EPPK1: variants seen among roughly 807,000 people sequenced by gnomAD.
The protein encoded by EPPK1 is epiplakin.
For synonymous variants in EPPK1, 1,862 were observed against 1,721.2 expected (o/e 1.08, Z -2.03); for missense variants, 3,823 against 3,673.3 (o/e 1.04, Z -1.05).
rs1554661264 is a variant in EPPK1 at position 143,871,692 on chromosome 8, G to A, written c.1562C>T (p.Ser521Leu). 1 of 1,605,874 alleles carries A rather than the reference G, an allele frequency of 6.2e-7. No homozygotes were observed. ...WELLFSEAIS[S>L]EQRAMLAQQY... is the part of the protein sequence containing the mutation. ...CTGGGCCAGCATCGCCCTCTGCTCT[G>A]AGGAGATGGCCTCAGAGAAGAGCAG... Residue 521 changes from serine to leucine, a missense_variant, in exon 2 of 2, where the codon TCA (serine) becomes TTA (leucine). By Grantham distance (145) the Ser-to-Leu change is moderately radical. Coordinates refer to ENST00000615648, the MANE Select transcript of EPPK1 (RefSeq NM_031308.4).
Position 143,866,031 on chromosome 8 carries a change from G to C in EPPK1, c.7223C>G (p.Pro2408Arg). Reference protein sequence around the residue: ...VQLLRRCVPDPDTGLYMLQLA... With the variant: ...VQLLRRCVPDRDTGLYMLQLA... ...CTGCAGCATGTAGAGCCCGGTGTCC[G>C]GGTCGGGCACGCAGCGGCGCAGCAG... Residue 2408 changes from proline to arginine, a missense_variant, in exon 2 of 2, where the codon CCG becomes CGG. Physicochemically the swap from Pro to Arg is moderately radical, Grantham distance 103. Coordinates refer to ENST00000615648, the MANE Select transcript of EPPK1 (RefSeq NM_031308.4). 1 of 168,746 alleles carries C rather than the reference G, an allele frequency of 5.9e-6. No individual in the cohort carries two copies. Among genetic ancestry groups the C allele is most frequent in the Non-Finnish European group, 9.8e-6 (1 of 102,404 alleles). 10.5% of individuals were successfully genotyped at this position (168,746 alleles called of 1,614,324 possible). A position where few individuals can be genotyped will look rare whatever the true frequency, so the allele number is the denominator to read the frequency against.
Position 143,866,445 on chromosome 8 carries a change from C to G in EPPK1, c.6809G>C (p.Gly2270Ala). 7.2e-7 allele frequency: 1 copy of G among 1,392,086 alleles called. No homozygotes were observed. The highest frequency in any genetic ancestry group is 9.6e-7 in the Non-Finnish European group (1 of 1,044,104). 86.2% of individuals were successfully genotyped at this position (1,392,086 alleles called of 1,614,324 possible). ...LVLLEAQAAT[G>A]FVIDPVRNLR... ...GTTGCGCACGGGGTCGATGACGAAG[C>G]CGGTGGCCGCCTGCGCCTCCAGCAG... The change falls in exon 2 of 2, where the codon GGC becomes GCC. Residue 2270 changes from glycine (G) to alanine (A), a missense_variant. By Grantham distance (60) the Gly-to-Ala change is moderately conservative. Coordinates refer to ENST00000615648, the MANE Select transcript of EPPK1 (RefSeq NM_031308.4).
Position 143,868,721 on chromosome 8 carries a change from A to T in EPPK1, c.4533T>A (p.Ala1511=). 6.3e-7 allele frequency: 1 copy of T among 1,579,224 alleles called. No homozygotes were observed. Among genetic ancestry groups the T allele is most frequent in the Non-Finnish European group, 8.6e-7 (1 of 1,166,436 alleles). Residue 1511 remains alanine (A), a synonymous_variant, in exon 2 of 2, where the codon GCT becomes GCA. Coordinates refer to ENST00000615648, the MANE Select transcript of EPPK1 (RefSeq NM_031308.4). ...VVSAVTTLVE[A]AERQPLQATF... ...TGGCCTGCAGGGGCTGCCTCTCTGC[A>T]GCCTCGACCAGGGTGGTGACTGCGC...
At position 143,866,945 on chromosome 8, in the gene EPPK1, C is replaced by T. The variant is rs1554659252; in HGVS notation, c.6309G>A (p.Leu2103=). 6.2e-7 allele frequency: 1 copy of T among 1,612,908 alleles called. No homozygotes were observed. The highest frequency in any genetic ancestry group is 8.5e-7 in the Non-Finnish European group (1 of 1,179,866). Residue 2103 remains leucine, a synonymous_variant, in exon 2 of 2, where the codon CTG becomes CTA. Coordinates refer to ENST00000615648, the MANE Select transcript of EPPK1 (RefSeq NM_031308.4). The part of the protein sequence containing the change: ...EHIDDETRRA[L]EAEQVEITVG... ...CTGTGATTTCCACTTGCTCTGCCTC[C>T]AGGGCCCTTCTCGTCTCGTCATCGA...
chr8:143,867,766 T>C lies in EPPK1; in HGVS notation c.5488A>G (p.Ile1830Val), dbSNP rs1554659617. Residue 1830 changes from isoleucine (I) to valine (V), a missense_variant, in exon 2 of 2, where the codon ATC (isoleucine) becomes GTC (valine). Ile to Val is a conservative substitution (Grantham distance 29). Coordinates refer to ENST00000615648, the MANE Select transcript of EPPK1 (RefSeq NM_031308.4). ...GTTTCTTCAATTGTCGTGGTGATGA[T>C]TTCCAGCAATTTCTCCAGGCCCCCA... ...QSGGLEKLLE[I>V]ITTTIEETET... 1.9e-6 allele frequency: 3 copies of C among 1,613,734 alleles called. No individual in the cohort carries two copies. Among genetic ancestry groups the C allele is most frequent in the Non-Finnish European group, 2.5e-6 (3 of 1,179,866 alleles).
In EPPK1 at chr8:143,869,951, C is replaced by T; in HGVS notation, c.3303G>A (p.Glu1101=). The T allele has an allele frequency of 6.2e-7, 1 of 1,608,014 alleles. No individual in the cohort carries two copies. Among genetic ancestry groups the T allele is most frequent in the East Asian group, 2.2e-5 (1 of 44,818 alleles). ...GGCCAGAAGTCTCATCCCTGGGGCA[C>T]TCCTCCAGGAGCTGGGCATAGCTCG... ...GRTSYAQLLE[E]CPRDETSGLH... Residue 1101 remains glutamate (E), a synonymous_variant, in exon 2 of 2, where the codon GAG becomes GAA. Transcript: ENST00000615648.
Position 143,873,172 on chromosome 8 carries a change from C to A in EPPK1, c.82G>T (p.Ala28Ser). The A allele has an allele frequency of 6.3e-7, 1 of 1,595,266 alleles. No homozygotes were observed. Residue 28 changes from alanine to serine, a missense_variant, in exon 2 of 2, where the codon GCC (alanine) becomes TCC (serine). Transcript: ENST00000615648. The stretch of plus-strand genomic sequence containing the variant: ...GGGGGCGTGCCGGCTCCCAGCGTGG[C>A]TGCCATGGCTCTGGGTACACTGGCC... The part of the protein sequence containing the change: ...EQASVPRAMA[A>S]TLGAGTPPRP...
chr8:143,873,381 TGCTGTCCCGG>T, intron 1 of EPPK1, 83 bp from the exon 2 acceptor site: 1 of 1,039,586 alleles, frequency 9.6e-7, no homozygotes, highest in Non-Finnish European at 1.3e-6. Context: ...GGCAATCCCA[TGCTGTCCCGG>T]GCTGGGCTCC....
At chr8:143,876,385 C>A (rs1554662295) in intron 1 of EPPK1, among the ~76,000 whole-genome samples, 5 of 152,198 alleles carry the variant, frequency 3.3e-5, no homozygotes, top group African/African-American at 1.2e-4. Flanking sequence ...GTCCACCCTG[C>A]AAAACTTGTT....
rs533151287 is a variant in EPPK1 at position 143,871,981 on chromosome 8, C to T, written c.1273G>A (p.Asp425Asn). 5.0e-5 allele frequency: 80 copies of T among 1,594,220 alleles called. 3 individuals carry two copies. The South Asian group carries it at 8.5e-4, about 17-fold the overall frequency. The change falls in exon 2 of 2, where the codon GAT becomes AAT. Residue 425 changes from aspartate to asparagine, a missense_variant. Asp to Asn is a conservative substitution (Grantham distance 23). Transcript: ENST00000615648. ...GAGAGCTGCCGCTGAGTGTCTTCATCCAGGCAGCCGCAGCGCAGGGCGGCC... is the reference window on the plus strand; with the variant it reads ...GAGAGCTGCCGCTGAGTGTCTTCATTCAGGCAGCCGCAGCGCAGGGCGGCC... ...LEAALRCGCL[D>N]EDTQRQLSQA...
rs372013200 is a variant in EPPK1 at position 143,877,057 on chromosome 8, C to T, written c.-46+1381G>A. 1.1e-3 allele frequency among the ~76,000 whole-genome samples: 166 copies of T among 152,390 alleles called. 1 individual carries two copies. The highest frequency in any genetic ancestry group is 3.5e-3 in the African/African-American group (145 of 41,598). ...CCAGGGAGGAAGGCTGGAGACAGGG[C>T]GCTTGGGAGCAGGGAGTCGGGGGCA... is the stretch of plus-strand genomic sequence containing the variant. On this transcript the variant is annotated intron_variant, in intron 1 of 1. Transcript: ENST00000615648.
intron 1 of EPPK1, 25 bp downstream of exon 1, chr8:143,878,413 G>GCACCCGCCCGCACCCGCCGCACCCGC (rs1819529638): frequency 2.2e-5 from 2 of 92,146 alleles, no homozygotes; most frequent in Non-Finnish European, 4.5e-5. Flanking sequence ...CGCCGCACCC[G>GCACCCGCCCGCACCCGCCGCACCCGC]CCGCACCCGC....
rs540808569 is a variant in EPPK1 at position 143,871,925 on chromosome 8, G to A, written c.1329C>T (p.His443=). The part of the protein sequence containing the change: ...SQAGSFSDGT[H]GGLRYEQLLA... ...GCAGCTGTTCATAGCGCAGGCCGCC[G>A]TGCGTGCCGTCTGAGAAGCTGCCAG... The change falls in exon 2 of 2, where the codon CAC becomes CAT. Residue 443 remains histidine, a synonymous_variant. Transcript: ENST00000615648. 94 of 1,604,106 alleles carry A rather than the reference G, an allele frequency of 5.9e-5. No individual in the cohort carries two copies. The highest frequency in any genetic ancestry group is 5.5e-4 in the Admixed American group (33 of 59,830).
chr8:143,871,121 G>A lies in EPPK1; in HGVS notation c.2133C>T (p.Ile711=), dbSNP rs563965707. 116 of 1,613,226 alleles carry A rather than the reference G, an allele frequency of 7.2e-5. No individual in the cohort carries two copies. The East Asian group carries it at 2.1e-3, about 29-fold the overall frequency. The change falls in exon 2 of 2, where the codon ATC becomes ATT. Residue 711 remains isoleucine, a synonymous_variant. Transcript: ENST00000615648. ...GCAGGCGGATGCCGTGCTCCCGGAC[G>A]ATGAGGCCCTTCTGCATGGCCTGGA... is the stretch of plus-strand genomic sequence containing the variant. ...SLFQAMQKGL[I]VREHGIRLLE...
At chr8:143,874,669 C>T (rs1563890238) in intron 1 of EPPK1, among the ~76,000 whole-genome samples, 1 of 152,178 alleles carries the variant, frequency 6.6e-6, no homozygotes, top group African/African-American at 2.4e-5. Flanking sequence ...TCTTTAGGCC[C>T]CTGGTCAGTG....
Position 143,867,864 on chromosome 8 carries a change from C to G in EPPK1, c.5390G>C (p.Trp1797Ser). ...GRFADQVVSF[W>S]DLLSSPYFTE... is the part of the protein sequence containing the mutation. ...GAAGTATGGAGAGGACAGCAGGTCC[C>G]AGAAAGAGACCACCTGGTCAGCAAA... The change falls in exon 2 of 2, where the codon TGG (tryptophan) becomes TCG (serine). Residue 1797 changes from tryptophan to serine, a missense_variant. Transcript: ENST00000615648. The G allele has an allele frequency of 6.2e-7, 1 of 1,613,182 alleles. No homozygotes were observed.
chr8:143,878,618 C>T (rs1189180646), upstream of EPPK1, among the ~76,000 whole-genome samples: 6 of 151,524 alleles, frequency 4.0e-5, no homozygotes, highest in African/African-American at 1.2e-4. Flanking sequence ...GCACCCCGGG[C>T]AAGGGGCGGC....
chr8:143,870,669 C>T lies in EPPK1; in HGVS notation c.2585G>A (p.Gly862Glu). 1.2e-6 allele frequency: 2 copies of T among 1,607,982 alleles called. No homozygotes were observed. The highest frequency in any genetic ancestry group is 1.7e-6 in the Non-Finnish European group (2 of 1,177,930). The change falls in exon 2 of 2, where the codon GGG becomes GAG. Residue 862 changes from glycine to glutamate, a missense_variant. Physicochemically the swap from Gly to Glu is moderately conservative, Grantham distance 98 (BLOSUM62 -2). Transcript: ENST00000615648. The surrounding 1 kb of genome is among the most constrained non-coding windows in gnomAD (Gnocchi z 5.2). ...CGCCTCCAGCAGCTTTGCCACCTGC[C>T]CCAGCGTGACCTCGCGCTGCCGGTA... ...RRYRQREVTL[G>E]QVAKLLEAET...
rs782503221 is a variant in EPPK1 at position 143,869,943 on chromosome 8, C to G, written c.3311G>C (p.Arg1104Thr). 6.2e-7 allele frequency: 1 copy of G among 1,608,316 alleles called. No individual in the cohort carries two copies. Among genetic ancestry groups the G allele is most frequent in the Non-Finnish European group, 8.5e-7 (1 of 1,177,652 alleles). The part of the protein sequence containing the change: ...SYAQLLEECP[R>T]DETSGLHLLP... The stretch of plus-strand genomic sequence containing the variant: ...GAGGTGAAGGCCAGAAGTCTCATCC[C>G]TGGGGCACTCCTCCAGGAGCTGGGC... Residue 1104 changes from arginine to threonine, a missense_variant, in exon 2 of 2, where the codon AGG becomes ACG. By Grantham distance (71) the Arg-to-Thr change is moderately conservative. Transcript: ENST00000615648.
Sources: allele counts gnomAD v4.1 joint callset (sites outside exome capture counted in the v4.1 genomes callset), GRCh38; gene constraint gnomAD v4.1.1; non-coding constraint Gnocchi (gnomAD v3.1); transcripts MANE v1.5; gene names NCBI Gene and HGNC (gene_info 2026-07-23, HGNC 2026-07-21).